NELL1: variants seen among roughly 807,000 people sequenced by gnomAD.
The protein encoded by NELL1 is protein kinase C-binding protein NELL1.
NELL1 carries 76 observed loss-of-function variants against 107.4 expected under a neutral mutation model. The observed-to-expected ratio is 0.71, with a 90% CI of 0.59 to 0.86. The LOEUF (loss-of-function observed/expected upper bound fraction) is 0.86, where lower values mean the gene tolerates loss of function less well. NELL1 is among the 40% of genes least tolerant of loss of function. The pLI, the probability that NELL1 is intolerant of heterozygous loss-of-function variation, is 0.00. For synonymous variants in NELL1, 353 were observed against 341.2 expected, an observed-to-expected ratio of 1.03 and a Z score of -0.38; for missense variants, 1,024 against 1,005.5, an observed-to-expected ratio of 1.02 and a Z score of -0.25.
At chr11:20,773,145 C>T (rs1856672921) in intron 2 of NELL1, among the ~76,000 whole-genome samples, 1 of 152,302 alleles carries the variant, frequency 6.6e-6, no homozygotes, top group South Asian at 2.1e-4. Flanking sequence ...CTGCTCAATG[C>T]TCTCCTGCTG....
At chr11:20,843,106 T>C (rs963378652) in intron 3 of NELL1, among the ~76,000 whole-genome samples, 1 of 152,204 alleles carries the variant, frequency 6.6e-6, no homozygotes, top group Non-Finnish European at 1.5e-5. Flanking sequence ...CCAGGTACTC[T>C]CTCTCTATAT....
chr11:20,728,450 A>G (rs900514264), intron 2 of NELL1, among the ~76,000 whole-genome samples: 5 of 152,164 alleles, frequency 3.3e-5, no homozygotes, highest in East Asian at 1.9e-4. Flanking sequence ...GATGTCTTAC[A>G]TTTAAATCTT....
chr11:21,372,484 A>C (rs1248148424), intron 15 of NELL1, among the ~76,000 whole-genome samples: 2 of 152,076 alleles, frequency 1.3e-5, no homozygotes, highest in African/African-American at 4.8e-5. Context: ...AAGGAGTTAG[A>C]TATTATTACT....
At chr11:20,796,041 C>T (rs183635339) in intron 3 of NELL1, among the ~76,000 whole-genome samples, 3 of 152,244 alleles carry the variant, frequency 2.0e-5, no homozygotes, top group South Asian at 4.1e-4. Context: ...GTTCCTCATA[C>T]ATCTCGTATA....
chr11:20,862,289 AT>A (rs71063671), intron 4 of NELL1, among the ~76,000 whole-genome samples: 22 of 151,514 alleles, frequency 1.5e-4, no homozygotes, highest in African/African-American at 5.1e-4. Context: ...TTCAAGAGTC[AT>A]TTTTTTTTAA....
chr11:21,515,934 A>G (rs1300447449), intron 15 of NELL1, among the ~76,000 whole-genome samples: 1 of 152,208 alleles, frequency 6.6e-6, no homozygotes, highest in Non-Finnish European at 1.5e-5. Flanking sequence ...CTTCTCAGCA[A>G]TGCTGTTGCT....
intron 15 of NELL1, among the ~76,000 whole-genome samples, chr11:21,379,445 T>C (rs529096492): frequency 6.6e-5 from 10 of 152,218 alleles, no homozygotes; most frequent in African/African-American, 1.9e-4. Context: ...TTTTGAAATA[T>C]AGTAAGTATC....
chr11:21,269,572 G>A (rs1365594147), intron 14 of NELL1, among the ~76,000 whole-genome samples: 1 of 152,036 alleles, frequency 6.6e-6, no homozygotes, highest in Non-Finnish European at 1.5e-5. Context: ...AAGCAACTTA[G>A]AATGCTGCAC....
chr11:21,299,507 TTATATGTGTGTGTGTGTG>T (rs1849446577), intron 14 of NELL1, among the ~76,000 whole-genome samples: 3 of 138,942 alleles, frequency 2.2e-5, no homozygotes, highest in African/African-American at 5.3e-5. Flanking sequence ...TTTTATTGTC[TTATATGTGTGTGTGTGTG>T]TGTGTGTGTG....
chr11:20,742,981 C>T (rs1519729), intron 2 of NELL1, among the ~76,000 whole-genome samples: 79,562 of 151,956 alleles, frequency 0.52, 23,894 homozygotes, highest in Middle Eastern at 0.73. Context: ...AGGTAATCTA[C>T]ACTGAGCTAA....
chr11:21,151,932 C>T (rs1235824288), intron 13 of NELL1, among the ~76,000 whole-genome samples: 1 of 152,206 alleles, frequency 6.6e-6, no homozygotes, highest in African/African-American at 2.4e-5. Flanking sequence ...TTTGGCCTGT[C>T]TGATTTCTTT....
At chr11:21,130,256 T>A (rs1855584736) in intron 13 of NELL1, among the ~76,000 whole-genome samples, 1 of 152,166 alleles carries the variant, frequency 6.6e-6, no homozygotes, top group Non-Finnish European at 1.5e-5. Context: ...TGGAATGAAG[T>A]GCATGGGTTT....
rs117370593 is a variant in NELL1, at chr11:21,083,377, T to C, written c.1301-30212T>C. ...CAAACTTTACTGCTAAATTTCCTTTTATAAGAGCCTTACGGAAGAAAAGGA... is the reference window on the plus strand; with the variant it reads ...CAAACTTTACTGCTAAATTTCCTTTCATAAGAGCCTTACGGAAGAAAAGGA... On this transcript the variant is annotated intron_variant, in intron 12 of 19. Coordinates refer to ENST00000357134, the MANE Select transcript of NELL1 (RefSeq NM_006157.5). Among the ~76,000 whole-genome samples the C allele has an allele frequency of 3.3e-4, 51 of 152,292 alleles. No homozygotes were observed. In the East Asian group the frequency reaches 6.2e-3, roughly 18 times the overall value.
intron 12 of NELL1, among the ~76,000 whole-genome samples, chr11:21,029,468 C>T (rs887848684): frequency 3.9e-5 from 6 of 152,094 alleles, no homozygotes; most frequent in Non-Finnish European, 7.4e-5. Flanking sequence ...TCCTCTCCCT[C>T]ACAATCCTGT....
chr11:20,735,360 A>C (rs1012889280), intron 2 of NELL1, among the ~76,000 whole-genome samples: 1 of 152,164 alleles, frequency 6.6e-6, no homozygotes, highest in South Asian at 2.1e-4. Context: ...AGGCCTCAGG[A>C]AACTTACAAT....
At chr11:21,296,726 G>A (rs955800128) in intron 14 of NELL1, among the ~76,000 whole-genome samples, 2 of 151,960 alleles carry the variant, frequency 1.3e-5, no homozygotes, top group Non-Finnish European at 2.9e-5. Context: ...TAGACAGATG[G>A]AATGGTGATG....
intron 12 of NELL1, among the ~76,000 whole-genome samples, chr11:21,058,070 C>T (rs940159118): frequency 2.0e-5 from 3 of 151,880 alleles, no homozygotes; most frequent in Non-Finnish European, 4.4e-5. Flanking sequence ...GTGTACAAGG[C>T]TAAGGAGATT....
chr11:20,791,741 T>G (rs1048452301), intron 3 of NELL1, among the ~76,000 whole-genome samples: 1 of 151,578 alleles, frequency 6.6e-6, no homozygotes, highest in Non-Finnish European at 1.5e-5. Context: ...TTTTTTTTTT[T>G]TTTTTTCTAT....
At chr11:20,972,477 G>A (rs1255313819) in intron 12 of NELL1, among the ~76,000 whole-genome samples, 1 of 152,134 alleles carries the variant, frequency 6.6e-6, no homozygotes, top group Non-Finnish European at 1.5e-5. Flanking sequence ...GTCTGATGGA[G>A]AAGTGTGGGG....
Sources: gnomAD v4.1 joint callset for allele counts (sites outside exome capture counted in the v4.1 genomes callset) on GRCh38, gnomAD v4.1.1 for gene constraint, MANE v1.5 for transcripts, NCBI Gene and HGNC (gene_info 2026-07-23, HGNC 2026-07-21) for gene names.